ARHGAP32: variants seen among roughly 807,000 people sequenced by gnomAD.
ARHGAP32 encodes the protein rho GTPase-activating protein 32.
In ARHGAP32, 51 loss-of-function variants were observed where a neutral mutation model predicts 186.5. That is an observed-to-expected ratio of 0.27 (90% confidence interval 0.22 to 0.35). ARHGAP32 has a LOEUF of 0.35. Ranked by LOEUF, ARHGAP32 falls within the 10% of genes least tolerant of loss-of-function variation. The probability of loss-of-function intolerance (pLI) is 1.00; values close to 1 mark genes in which losing one functional copy is unlikely to be tolerated. For missense variants in ARHGAP32, 2,186 were observed against 2,623.5 expected, an observed-to-expected ratio of 0.83 and a Z score of 3.64; for synonymous variants, 950 against 964.3, an observed-to-expected ratio of 0.99 and a Z score of 0.27.
Position 129,121,486 on chromosome 11 carries a change from G to A in ARHGAP32, c.444+1960C>T, listed in dbSNP as rs1441539327. ...AAACTGGGCAGGAGAGCTGTGCCAA[G>A]TAGAGGACCATAAACACAGAAAGAA... On this transcript the variant is annotated intron_variant, in intron 5 of 22. Transcript: ENST00000682385. Among the ~76,000 whole-genome samples the A allele has an allele frequency of 1.3e-5, 2 of 152,186 alleles. 1 individual carries two copies. The highest frequency in any genetic ancestry group is 3.9e-4 in the East Asian group (2 of 5,180).
At chr11:129,093,497 AT>A in intron 6 of ARHGAP32, 123 bp downstream of exon 6, 3 of 689,778 alleles carry the variant, frequency 4.3e-6, no homozygotes, top group Non-Finnish European at 7.6e-6. Context: ...TCATTTCAGT[AT>A]TATATAAGTA....
intron 5 of ARHGAP32, 143 bp from the exon 6 acceptor site, chr11:129,093,850 T>C: frequency 1.6e-6 from 1 of 633,176 alleles, no homozygotes; most frequent in African/African-American, 1.8e-5. Context: ...AGAACTTCAT[T>C]GCTTAAGGCA....
At chr11:129,157,534 A>T (rs1413672485) in intron 2 of ARHGAP32, among the ~76,000 whole-genome samples, 6 of 152,158 alleles carry the variant, frequency 3.9e-5, no homozygotes, top group Admixed American at 1.3e-4. Flanking sequence ...TAGAGAAAAA[A>T]GAATGAAAAG....
At chr11:129,159,009 T>C (rs111537423) in intron 2 of ARHGAP32, among the ~76,000 whole-genome samples, 19,826 of 152,104 alleles carry the variant, frequency 0.13, 1,418 homozygotes, top group Non-Finnish European at 0.16. Flanking sequence ...TTGAAATCAA[T>C]GAGAACAAAG....
intron 11 of ARHGAP32, among the ~76,000 whole-genome samples, chr11:128,999,404 G>A (rs992244989): frequency 7.9e-5 from 12 of 152,134 alleles, no homozygotes; most frequent in Admixed American, 1.3e-4. Context: ...CATGCACAGC[G>A]GGACATGAAA....
intron 1 of ARHGAP32, among the ~76,000 whole-genome samples, chr11:129,234,305 A>G (rs1944897934): frequency 6.6e-6 from 1 of 152,106 alleles, no homozygotes. Context: ...CAACACCAAT[A>G]ATGTATATAC....
intron 1 of ARHGAP32, 26 bp downstream of exon 1, chr11:129,192,057 A>G (rs1323828756): frequency 1.3e-6 from 2 of 1,561,634 alleles, no homozygotes; most frequent in Admixed American, 1.7e-5. Flanking sequence ...TGGACAGGAC[A>G]AAGGAACTGT....
At chr11:129,055,394 C>A (rs1940210489) in intron 10 of ARHGAP32, among the ~76,000 whole-genome samples, 1 of 152,210 alleles carries the variant, frequency 6.6e-6, no homozygotes, top group East Asian at 1.9e-4. Flanking sequence ...CCAAATTCAA[C>A]ATACTCTTAC....
At position 129,143,022 on chromosome 11, in the gene ARHGAP32, C is replaced by T. The variant is rs78533134; in HGVS notation, c.226-18128G>A. 2.4e-4 allele frequency among the ~76,000 whole-genome samples: 28 copies of T among 114,742 alleles called. No homozygotes were observed. In the East Asian group the frequency reaches 5.6e-3, roughly 23 times the overall value. The allele number at this position is 114,742 out of a possible 152,430, so 75.3% of individuals were successfully genotyped here. The stretch of plus-strand genomic sequence containing the variant: ...AGTGATGAAGGGGAAAAAAATTTGG[C>T]CTCTTAAATAGAAAAAAAAATAGCA... On this transcript the variant is annotated intron_variant, in intron 2 of 22. Transcript: ENST00000682385.
rs1437942772 is a variant in ARHGAP32 at position 128,980,740 on chromosome 11, A to G, written c.1789T>C (p.Ser597Pro). ...MAMQEGAASL[S>P]RPKSLLVSSP... is the part of the protein sequence containing the mutation. ...GATACCAGGAGGGACTTGGGCCTTGATAGAGAAGCTTCAAAAAGAAAAGGA... is the reference window on the plus strand; with the variant it reads ...GATACCAGGAGGGACTTGGGCCTTGGTAGAGAAGCTTCAAAAAGAAAAGGA... Residue 597 changes from serine (S) to proline (P), a missense_variant, in exon 18 of 23, where the codon TCA (serine) becomes CCA (proline). Coordinates refer to ENST00000682385, the MANE Select transcript of ARHGAP32 (RefSeq NM_001378024.1). The G allele has an allele frequency of 6.2e-7, 1 of 1,601,178 alleles. No individual in the cohort carries two copies. Among genetic ancestry groups the G allele is most frequent in the East Asian group, 2.2e-5 (1 of 44,792 alleles).
chr11:128,988,171 G>A (rs750381763), intron 12 of ARHGAP32, 46 bp from the exon 13 acceptor site: 2 of 1,412,990 alleles, frequency 1.4e-6, no homozygotes, highest in Admixed American at 1.9e-5. Context: ...AGTATTCACT[G>A]GAACCAAAGT....
chr11:128,982,997 G>A (rs368942394), intron 15 of ARHGAP32, among the ~76,000 whole-genome samples: 14 of 151,594 alleles, frequency 9.2e-5, no homozygotes, highest in African/African-American at 2.9e-4. Context: ...CTACATCCGA[G>A]CCACAAAGAT....
rs376175284 is a variant in ARHGAP32, at chr11:129,155,829, A to G, written c.225+8490T>C. On this transcript the variant is annotated intron_variant, in intron 2 of 22. Coordinates refer to ENST00000682385, the MANE Select transcript of ARHGAP32 (RefSeq NM_001378024.1). ...GCTCCAGTTTGCAGCTCCCAGCGAG[A>G]TCAATGCAGAAGGCGGGTGATCTCT... 2.6e-5 allele frequency among the ~76,000 whole-genome samples: 4 copies of G among 152,174 alleles called. No homozygotes were observed. In the East Asian group the frequency reaches 7.7e-4, roughly 29 times the overall value.
rs1942579859 is a variant in ARHGAP32, at chr11:129,123,357, C to T, written c.444+89G>A. Reference sequence around the variant, plus strand: ...AAAAAAAACTACTTCAAAGTGTCATCTATTAGATACAGATATATAGATAAG... The same window carrying T: ...AAAAAAAACTACTTCAAAGTGTCATTTATTAGATACAGATATATAGATAAG... On this transcript the variant is annotated intron_variant, in intron 5 of 22. Transcript: ENST00000682385. This position sits in a 1 kb window ranked among gnomAD's most constrained non-coding sequence, Gnocchi z 4.6. The T allele has an allele frequency of 3.7e-6, 4 of 1,069,622 alleles. No individual in the cohort carries two copies. In the Admixed American group the frequency reaches 1.1e-4, roughly 28 times the overall value. The allele number at this position is 1,069,622 out of a possible 1,614,324, so 66.3% of individuals were successfully genotyped here.
chr11:129,248,141 T>A (rs145097729), intron 1 of ARHGAP32, among the ~76,000 whole-genome samples: 1,644 of 149,138 alleles, frequency 0.011, 14 homozygotes, highest in Non-Finnish European at 0.018. Flanking sequence ...TGAAACCCCA[T>A]CTCTACTAAA....
intron 5 of ARHGAP32, among the ~76,000 whole-genome samples, chr11:129,117,361 C>G (rs1237925263): frequency 6.6e-6 from 1 of 151,996 alleles, no homozygotes; most frequent in Non-Finnish European, 1.5e-5. Context: ...ACAAAACATT[C>G]AATAAATATT....
chr11:128,975,418 C>T (rs1178375200), intron 20 of ARHGAP32, among the ~76,000 whole-genome samples: 2 of 151,980 alleles, frequency 1.3e-5, no homozygotes, highest in Non-Finnish European at 2.9e-5. Flanking sequence ...TCTATAATAG[C>T]AAAATGGATG....
intron 11 of ARHGAP32, among the ~76,000 whole-genome samples, chr11:129,037,234 T>C (rs1337981164): frequency 6.6e-6 from 1 of 152,208 alleles, no homozygotes; most frequent in African/African-American, 2.4e-5. Context: ...TAGTGGCTCA[T>C]GCCTATAATC....
At chr11:129,056,814 G>A (rs1388262182) in intron 10 of ARHGAP32, among the ~76,000 whole-genome samples, 1 of 152,168 alleles carries the variant, frequency 6.6e-6, no homozygotes, top group Non-Finnish European at 1.5e-5. Flanking sequence ...TGTTGCAGCA[G>A]CGCTCAAGAG....
Sources: gnomAD v4.1 joint callset for allele counts (sites outside exome capture counted in the v4.1 genomes callset) on GRCh38, gnomAD v4.1.1 for gene constraint, Gnocchi (gnomAD v3.1) non-coding constraint, MANE v1.5 for transcripts, NCBI Gene and HGNC (gene_info 2026-07-23, HGNC 2026-07-21) for gene names.